The following RHOQ variants were observed in gnomAD, a reference collection of about 807,000 sequenced individuals.
The protein encoded by RHOQ is rho-related GTP-binding protein RhoQ.
A neutral mutation model predicts 25.8 loss-of-function variants in RHOQ; 7 were observed. The observed-to-expected ratio is 0.27, with a 90% CI of 0.15 to 0.51. The LOEUF is 0.51. RHOQ is among the 20% of genes least tolerant of loss of function. RHOQ has a pLI of 0.97. For missense variants in RHOQ, 165 were observed against 260.6 expected (o/e 0.63, Z 2.53); for synonymous variants, 97 against 98.6 (o/e 0.98, Z 0.10).
rs1439118688 is a variant in RHOQ, at chr2:46,569,520, T to G, written c.202-6567T>G. On this transcript the variant is annotated intron_variant, in intron 2 of 4. Transcript: ENST00000238738. The surrounding 1 kb of genome is among the most constrained non-coding windows in gnomAD (Gnocchi z 4.1). ...TGACAAGGCCAGTCCTCTAGCTGGT[T>G]TCTTTATGCTCCACCAGATGTAAAT... The G allele has an allele frequency of 6.6e-6, 1 of 152,194 alleles. No homozygotes were observed. Among genetic ancestry groups the G allele is most frequent in the Non-Finnish European group, 1.5e-5 (1 of 68,030 alleles). The allele number at this position is 152,194 out of a possible 1,614,324, so 9.4% of individuals were successfully genotyped here. A position where few individuals can be genotyped will look rare whatever the true frequency, so the allele number is the denominator to read the frequency against.
Position 46,560,167 on chromosome 2 carries a change from T to G in RHOQ, c.202-15920T>G, listed in dbSNP as rs917274165. ...TTCAGACCCTCAGGGAGGTCTGCTGTGCAGTCCGGTGTTTAACTGGCACCT... is the reference window on the plus strand; with the variant it reads ...TTCAGACCCTCAGGGAGGTCTGCTGGGCAGTCCGGTGTTTAACTGGCACCT... On this transcript the variant is annotated intron_variant, in intron 2 of 4. Transcript: ENST00000238738. Among the ~76,000 whole-genome samples, 3 of 152,336 alleles carry G rather than the reference T, an allele frequency of 2.0e-5. No homozygotes were observed. In the South Asian group the frequency reaches 6.2e-4, roughly 32 times the overall value.
At chr2:46,562,173 A>C (rs570984907) in intron 2 of RHOQ, among the ~76,000 whole-genome samples, 1 of 152,090 alleles carries the variant, frequency 6.6e-6, no homozygotes. Flanking sequence ...TGTAGGGTCT[A>C]TACCTCTAAG....
chr2:46,543,803 G>T lies in RHOQ; in HGVS notation c.192G>T (p.Thr64=), dbSNP rs775350221. The part of the protein sequence containing the change: ...GKQYLLGLYD[T]AGQEDYDRLR... ...AGTACCTCCTAGGACTCTATGACACGGCCGGACAGGTGAGTGTCTTGGCCT... is the reference window on the plus strand; with the variant it reads ...AGTACCTCCTAGGACTCTATGACACTGCCGGACAGGTGAGTGTCTTGGCCT... The change falls in exon 2 of 5, where the codon ACG becomes ACT. Residue 64 remains threonine, a synonymous_variant. Coordinates refer to ENST00000238738, the MANE Select transcript of RHOQ (RefSeq NM_012249.4). The T allele has an allele frequency of 6.2e-7, 1 of 1,613,542 alleles. No individual in the cohort carries two copies. The highest frequency in any genetic ancestry group is 2.2e-5 in the East Asian group (1 of 44,872).
At chr2:46,553,088 T>C (rs1215142265) in intron 2 of RHOQ, among the ~76,000 whole-genome samples, 1 of 152,240 alleles carries the variant, frequency 6.6e-6, no homozygotes, top group African/African-American at 2.4e-5. Context: ...TCTTAGGCTC[T>C]ATCCCAAATC....
chr2:46,550,523 A>G (rs1042071297), intron 2 of RHOQ, among the ~76,000 whole-genome samples: 1 of 152,182 alleles, frequency 6.6e-6, no homozygotes, highest in African/African-American at 2.4e-5. Flanking sequence ...CGGCCTTTGC[A>G]TGTTTCCTGA....
At chr2:46,543,902 T>G in intron 2 of RHOQ, 90 bp downstream of exon 2, 2 of 1,084,946 alleles carry the variant, frequency 1.8e-6, no homozygotes, top group South Asian at 1.3e-5. Context: ...GGTGTCTAGG[T>G]GGGAGGGTGT....
intron 2 of RHOQ, among the ~76,000 whole-genome samples, chr2:46,559,562 G>A (rs2103999800): frequency 6.6e-6 from 1 of 152,212 alleles, no homozygotes; most frequent in South Asian, 2.1e-4. Context: ...TTGTGGGGGG[G>A]CTGTCTTGTG....
chr2:46,554,455 G>A (rs958381566), intron 2 of RHOQ, among the ~76,000 whole-genome samples: 1 of 152,202 alleles, frequency 6.6e-6, no homozygotes, highest in Non-Finnish European at 1.5e-5. Flanking sequence ...ATATTAAGGG[G>A]CTCGATAGAC....
chr2:46,578,568 C>A (rs1289681677), intron 4 of RHOQ, among the ~76,000 whole-genome samples: 1 of 32,108 alleles, frequency 3.1e-5, no homozygotes. Context: ...CCCATCTCTA[C>A]CAAAAAAAAA....
chr2:46,545,356 T>C (rs1012359945), intron 2 of RHOQ, among the ~76,000 whole-genome samples: 3 of 152,210 alleles, frequency 2.0e-5, no homozygotes, highest in African/African-American at 7.2e-5. Flanking sequence ...TCTCACTACC[T>C]TCCTTTCTCT....
intron 2 of RHOQ, chr2:46,560,543 T>G: frequency 2.2e-6 from 1 of 455,888 alleles, no homozygotes; most frequent in African/African-American, 2.0e-5. Flanking sequence ...CAAAGCGAGT[T>G]GGATTTCTGG....
chr2:46,572,107 GTTTTTTTTT>G (rs746265771), intron 2 of RHOQ, among the ~76,000 whole-genome samples: 4 of 66,254 alleles, frequency 6.0e-5, no homozygotes, highest in Admixed American at 3.3e-4. Flanking sequence ...GTAAGTGTGT[GTTTTTTTTT>G]TTTTTTTTTT....
chr2:46,568,356 C>T (rs1298800821), intron 2 of RHOQ: 1 of 152,128 alleles, frequency 6.6e-6, no homozygotes, highest in Non-Finnish European at 1.5e-5. Flanking sequence ...AGAAAGTATC[C>T]TTTATATAGC....
intron 2 of RHOQ, among the ~76,000 whole-genome samples, chr2:46,563,906 T>C (rs1359523598): frequency 6.6e-6 from 1 of 152,028 alleles, no homozygotes; most frequent in African/African-American, 2.4e-5. Context: ...TGCCTTGGCT[T>C]CCCAAAGTGC....
Position 46,575,288 on chromosome 2 carries a change from A to G in RHOQ, c.202-799A>G, listed in dbSNP as rs750422542. ...TGTGCAGTTACTGGTATATTCATGC[A>G]TAGAAAAAGAACTGGAAGAATAAAC... On this transcript the variant is annotated intron_variant, in intron 2 of 4. Coordinates refer to ENST00000238738, the MANE Select transcript of RHOQ (RefSeq NM_012249.4). Among the ~76,000 whole-genome samples the G allele has an allele frequency of 4.7e-4, 72 of 152,180 alleles. 1 individual carries two copies. Among genetic ancestry groups the G allele is most frequent in the Non-Finnish European group, 3.5e-4 (24 of 68,030 alleles).
intron 2 of RHOQ, among the ~76,000 whole-genome samples, chr2:46,549,518 C>T (rs1394734188): frequency 6.6e-6 from 1 of 152,192 alleles, no homozygotes; most frequent in African/African-American, 2.4e-5. Context: ...TCAGACACAA[C>T]AGCAATGCTT....
chr2:46,570,402 T>A (rs980411400), intron 2 of RHOQ, among the ~76,000 whole-genome samples: 26 of 152,046 alleles, frequency 1.7e-4, no homozygotes, highest in African/African-American at 6.0e-4. Flanking sequence ...ATTGTGCTAT[T>A]GCACTCTAGT....
At position 46,576,979 on chromosome 2, in the gene RHOQ, A is replaced by C. The variant is rs1385433286; in HGVS notation, c.462+323A>C. 5 of 201,736 alleles carry C rather than the reference A, an allele frequency of 2.5e-5. No individual in the cohort carries two copies. The highest frequency in any genetic ancestry group is 4.0e-5 in the Non-Finnish European group (4 of 100,900). The allele number at this position is 201,736 out of a possible 1,614,324, so 12.5% of individuals were successfully genotyped here. A position where few individuals can be genotyped will look rare whatever the true frequency, so the allele number is the denominator to read the frequency against. The stretch of plus-strand genomic sequence containing the variant: ...GCCAGTGATATTTTCCTAAAAAGTC[A>C]CATATGGAAAAAAGCATCGGAAACA... On this transcript the variant is annotated intron_variant, in intron 4 of 4. Transcript: ENST00000238738. The surrounding 1 kb of genome is among the most constrained non-coding windows in gnomAD (Gnocchi z 5.1).
intron 4 of RHOQ, among the ~76,000 whole-genome samples, chr2:46,577,526 A>G (rs1404357733): frequency 1.4e-5 from 2 of 145,534 alleles, no homozygotes; most frequent in African/African-American, 5.1e-5. Context: ...CAGCCTCCCA[A>G]GTAGCTGGGA....
Sources: gnomAD v4.1 joint callset for allele counts (sites outside exome capture counted in the v4.1 genomes callset) on GRCh38, gnomAD v4.1.1 for gene constraint, Gnocchi (gnomAD v3.1) non-coding constraint, MANE v1.5 for transcripts, NCBI Gene and HGNC (gene_info 2026-07-23, HGNC 2026-07-21) for gene names.